The following NKAIN2 variants were observed in gnomAD, a reference collection of about 807,000 sequenced individuals.
NKAIN2 encodes the protein sodium/potassium transporting ATPase interacting 2.
A neutral mutation model predicts 32.6 loss-of-function variants in NKAIN2; 14 were observed. The observed-to-expected ratio is 0.43, with a 90% CI of 0.28 to 0.67. The LOEUF is 0.67. Among genes scored for constraint, NKAIN2 ranks in the 30% least tolerant of loss-of-function variants. The pLI, the probability that NKAIN2 is intolerant of heterozygous loss-of-function variation, is 0.17. For synonymous variants in NKAIN2, 80 were observed against 87.2 expected (o/e 0.92, Z 0.46); for missense variants, 198 against 258.3 (o/e 0.77, Z 1.60).
intron 1 of NKAIN2, among the ~76,000 whole-genome samples, chr6:123,921,167 A>T (rs933119041): frequency 6.6e-6 from 1 of 152,216 alleles, no homozygotes; most frequent in Non-Finnish European, 1.5e-5. Context: ...TTAAAGAGGA[A>T]ATCACAGCAA....
At chr6:124,278,685 A>G (rs1795155589) in intron 1 of NKAIN2, among the ~76,000 whole-genome samples, 1 of 134,944 alleles carries the variant, frequency 7.4e-6, no homozygotes, top group African/African-American at 2.9e-5. Context: ...ATATATATAT[A>G]TATATGCTAT....
chr6:124,755,914 TTGATA>T (rs1205804969), intron 4 of NKAIN2, among the ~76,000 whole-genome samples: 2 of 152,126 alleles, frequency 1.3e-5, no homozygotes, highest in Non-Finnish European at 2.9e-5. Flanking sequence ...AATGTTAAAT[TTGATA>T]TAATTTTCCA....
At chr6:124,009,980 G>A (rs913202646) in intron 1 of NKAIN2, among the ~76,000 whole-genome samples, 4 of 151,980 alleles carry the variant, frequency 2.6e-5, no homozygotes, top group African/African-American at 7.3e-5. Flanking sequence ...GGGAGCCTTC[G>A]TTCATAAATC....
At chr6:124,563,230 G>T (rs768192068) in intron 3 of NKAIN2, among the ~76,000 whole-genome samples, 1 of 152,030 alleles carries the variant, frequency 6.6e-6, no homozygotes, top group African/African-American at 2.4e-5. Context: ...AGAGTTACTG[G>T]CTTACACTTT....
chr6:124,764,299 C>G (rs1778410472), intron 4 of NKAIN2, among the ~76,000 whole-genome samples: 1 of 152,058 alleles, frequency 6.6e-6, no homozygotes, highest in South Asian at 2.1e-4. Context: ...TTTTTTAATG[C>G]TTATCACTAA....
intron 3 of NKAIN2, among the ~76,000 whole-genome samples, chr6:124,611,589 C>T (rs767052138): frequency 2.0e-4 from 30 of 152,110 alleles, no homozygotes; most frequent in Non-Finnish European, 4.1e-4. Context: ...CATGTGTTCT[C>T]GTTGCTCAAC....
chr6:124,821,150 C>G (rs955603509), intron 6 of NKAIN2, among the ~76,000 whole-genome samples: 1 of 151,970 alleles, frequency 6.6e-6, no homozygotes, highest in African/African-American at 2.4e-5. Context: ...CAAAAATTAG[C>G]CAGGCATGGT....
chr6:123,818,968 A>C lies in NKAIN2; in HGVS notation c.54+14714A>C, dbSNP rs143529331. Among the ~76,000 whole-genome samples, 30 of 152,146 alleles carry C rather than the reference A, an allele frequency of 2.0e-4. 2 individuals are homozygous for C. The highest frequency in any genetic ancestry group is 7.0e-4 in the African/African-American group (29 of 41,522). On this transcript the variant is annotated intron_variant, in intron 1 of 6. Transcript: ENST00000368417. The stretch of plus-strand genomic sequence containing the variant: ...GTCCACTGAAAGTGCAGGTGAGTGG[A>C]AAGGTGTGTGTTTGTCTGTGTGTGT...
chr6:124,623,156 A>C (rs1783173866), intron 3 of NKAIN2, among the ~76,000 whole-genome samples: 4 of 152,150 alleles, frequency 2.6e-5, no homozygotes, highest in Admixed American at 1.3e-4. Context: ...CTGGGATTCA[A>C]TTATGGAGAT....
chr6:124,149,953 G>A (rs926827417), intron 1 of NKAIN2, among the ~76,000 whole-genome samples: 1 of 152,108 alleles, frequency 6.6e-6, no homozygotes, highest in African/African-American at 2.4e-5. Context: ...AAAATTTATT[G>A]TTCCCCTTTC....
At chr6:124,365,467 A>C (rs1799480372) in intron 3 of NKAIN2, among the ~76,000 whole-genome samples, 1 of 152,092 alleles carries the variant, frequency 6.6e-6, no homozygotes, top group South Asian at 2.1e-4. Context: ...AATGATAAAA[A>C]GGTAAATCCA....
chr6:124,039,421 T>C (rs1318961821), intron 1 of NKAIN2, among the ~76,000 whole-genome samples: 2 of 151,948 alleles, frequency 1.3e-5, no homozygotes, highest in African/African-American at 4.8e-5. Flanking sequence ...TATGTATTTA[T>C]GTTGTATATA....
chr6:124,779,815 T>G (rs924009288), intron 4 of NKAIN2, among the ~76,000 whole-genome samples: 1 of 152,156 alleles, frequency 6.6e-6, no homozygotes, highest in African/African-American at 2.4e-5. Flanking sequence ...CATAGACTCA[T>G]GAGTGAGCCC....
At chr6:124,711,255 C>T (rs1299572093) in intron 4 of NKAIN2, among the ~76,000 whole-genome samples, 4 of 93,130 alleles carry the variant, frequency 4.3e-5, no homozygotes, top group Non-Finnish European at 8.6e-5. Context: ...TCTCTGGCTG[C>T]GCTTAACATT....
At chr6:124,759,634 CACACACACACACACACACA>C (rs1778150195) in intron 4 of NKAIN2, among the ~76,000 whole-genome samples, 1 of 138,486 alleles carries the variant, frequency 7.2e-6, no homozygotes, top group Non-Finnish European at 1.6e-5. Context: ...CACACACACA[CACACACACACACACACACA>C]CACCCCCTAT....
Position 124,823,312 on chromosome 6 carries a change from G to A in NKAIN2, c.*83G>A. 2 of 936,094 alleles carry A rather than the reference G, an allele frequency of 2.1e-6. No homozygotes were observed. The highest frequency in any genetic ancestry group is 3.6e-6 in the Non-Finnish European group (2 of 560,782). 58.0% of individuals were successfully genotyped at this position (936,094 alleles called of 1,614,324 possible). On this transcript the variant is annotated 3_prime_UTR_variant, in exon 7 of 7. Transcript: ENST00000368417. ...GCCTCCTGCATTTCATGAAGAGCAA[G>A]AAGCAACTGAGTTTAAATACATACA...
intron 3 of NKAIN2, among the ~76,000 whole-genome samples, chr6:124,449,587 T>A (rs1227329169): frequency 6.6e-6 from 1 of 152,076 alleles, no homozygotes; most frequent in Non-Finnish European, 1.5e-5. Flanking sequence ...GCTAGGACAA[T>A]AACATCCACA....
rs189108900 is a variant in NKAIN2 at position 124,122,258 on chromosome 6, G to A, written c.55-160747G>A. On this transcript the variant is annotated intron_variant, in intron 1 of 6. Transcript: ENST00000368417. ...TTTTTTGATATAAAGTTGAGATCAC[G>A]TAGTATATATATATTTTTAATTATT... 3.0e-3 allele frequency among the ~76,000 whole-genome samples: 454 copies of A among 151,992 alleles called. 4 individuals are homozygous for A. The highest frequency in any genetic ancestry group is 0.01 in the African/African-American group (417 of 41,506).
At chr6:123,850,134 T>G (rs1048048929) in intron 1 of NKAIN2, among the ~76,000 whole-genome samples, 5 of 151,546 alleles carry the variant, frequency 3.3e-5, no homozygotes, top group African/African-American at 1.2e-4. Context: ...TGTTTCTAAC[T>G]GTAGAACATG....
Sources: gnomAD v4.1 joint callset for allele counts (sites outside exome capture counted in the v4.1 genomes callset) on GRCh38, gnomAD v4.1.1 for gene constraint, MANE v1.5 for transcripts, NCBI Gene and HGNC (gene_info 2026-07-23, HGNC 2026-07-21) for gene names.